The following TYW1B variants were observed in gnomAD, a reference collection of about 807,000 sequenced individuals.
TYW1B encodes the protein tRNA-yW synthesizing protein 1 homolog B.
A neutral mutation model predicts 86.9 loss-of-function variants in TYW1B; 73 were observed. The observed-to-expected ratio is 0.84, with a 90% confidence interval of 0.70 to 1.02. TYW1B has a LOEUF of 1.02. Among genes scored for constraint, TYW1B ranks in the 50% least tolerant of loss-of-function variants. The probability of loss-of-function intolerance (pLI) is 0.00; values close to 1 mark genes in which losing one functional copy is unlikely to be tolerated. For missense variants in TYW1B, 637 were observed against 827.4 expected (o/e 0.77, Z 2.82); for synonymous variants, 248 against 292.8 (o/e 0.85, Z 1.56).
At chr7:72,612,640 A>G (rs1811961427) in intron 13 of TYW1B, among the ~76,000 whole-genome samples, 2 of 152,226 alleles carry the variant, frequency 1.3e-5, no homozygotes, top group South Asian at 2.1e-4. Flanking sequence ...ACCAAGTGTG[A>G]GACTCTGAAA....
chr7:72,601,427 A>T (rs1217945607), intron 13 of TYW1B, among the ~76,000 whole-genome samples: 1 of 152,124 alleles, frequency 6.6e-6, no homozygotes, highest in Non-Finnish European at 1.5e-5. Context: ...CAATGGTGGG[A>T]ATGCAAAATG....
At chr7:72,814,420 T>A (rs1336433289) in intron 3 of TYW1B, among the ~76,000 whole-genome samples, 1 of 151,642 alleles carries the variant, frequency 6.6e-6, no homozygotes, top group Non-Finnish European at 1.5e-5. Flanking sequence ...CCATCTCTAC[T>A]AAAACTACAA....
chr7:72,601,319 A>G (rs1811659783), intron 13 of TYW1B, among the ~76,000 whole-genome samples: 1 of 151,372 alleles, frequency 6.6e-6, no homozygotes, highest in South Asian at 2.1e-4. Flanking sequence ...GCCACTACAA[A>G]TCTATTAGAA....
intron 9 of TYW1B, among the ~76,000 whole-genome samples, chr7:72,722,337 T>C (rs552855763): frequency 1.3e-3 from 191 of 152,262 alleles, no homozygotes; most frequent in South Asian, 1.7e-3. Context: ...GCTTTAGTAC[T>C]GAGGACGTTC....
At chr7:72,586,320 A>G (rs1216800514) in intron 13 of TYW1B, among the ~76,000 whole-genome samples, 3 of 152,230 alleles carry the variant, frequency 2.0e-5, no homozygotes, top group Non-Finnish European at 4.4e-5. Flanking sequence ...ACTGCAGCTC[A>G]GTCACCTAGA....
At chr7:72,586,907 C>T (rs1347484581) in intron 13 of TYW1B, among the ~76,000 whole-genome samples, 1 of 151,848 alleles carries the variant, frequency 6.6e-6, no homozygotes, top group African/African-American at 2.4e-5. Flanking sequence ...TCTATCTGCA[C>T]AATCAGCATT....
chr7:72,739,139 T>C (rs1787254592), intron 8 of TYW1B, among the ~76,000 whole-genome samples: 1 of 152,138 alleles, frequency 6.6e-6, no homozygotes, highest in Non-Finnish European at 1.5e-5. Context: ...ACATTTTACA[T>C]GATCTGTCAA....
intron 11 of TYW1B, among the ~76,000 whole-genome samples, chr7:72,673,137 A>C (rs1350159760): frequency 1.3e-5 from 2 of 152,236 alleles, no homozygotes; most frequent in Non-Finnish European, 2.9e-5. Flanking sequence ...ACTGCACTCC[A>C]GCCTGGGCGA....
At chr7:72,678,427 G>C (rs1813786335) in intron 11 of TYW1B, among the ~76,000 whole-genome samples, 2 of 152,280 alleles carry the variant, frequency 1.3e-5, no homozygotes, top group South Asian at 4.1e-4. Context: ...TGAATTCTAA[G>C]AGTCTAGACA....
At chr7:72,672,936 A>T (rs1426555839) in intron 11 of TYW1B, among the ~76,000 whole-genome samples, 12 of 152,232 alleles carry the variant, frequency 7.9e-5, no homozygotes, top group African/African-American at 2.4e-4. Flanking sequence ...TGGGAGGCCA[A>T]GGCGGGTGGA....
At chr7:72,590,853 C>A (rs565802156) in intron 13 of TYW1B, among the ~76,000 whole-genome samples, 1 of 152,080 alleles carries the variant, frequency 6.6e-6, no homozygotes, top group East Asian at 1.9e-4. Context: ...AGAAACTGAC[C>A]CTGAGAAAGG....
intron 4 of TYW1B, among the ~76,000 whole-genome samples, chr7:72,809,563 G>T (rs1475446377): frequency 6.6e-6 from 1 of 152,042 alleles, no homozygotes; most frequent in African/African-American, 2.4e-5. Context: ...TGACTTGGGA[G>T]GATCCCTTCA....
At chr7:72,759,805 C>A (rs1787657197) in intron 7 of TYW1B, among the ~76,000 whole-genome samples, 1 of 152,160 alleles carries the variant, frequency 6.6e-6, no homozygotes, top group African/African-American at 2.4e-5. Context: ...TCCATGGTAA[C>A]CAACAACTTT....
At chr7:72,618,250 T>TG (rs1812128237) in intron 12 of TYW1B, among the ~76,000 whole-genome samples, 3 of 149,274 alleles carry the variant, frequency 2.0e-5, no homozygotes, top group African/African-American at 4.9e-5. Context: ...TTTTTTTTTT[T>TG]TTGTTGCCCA....
chr7:72,595,710 A>G (rs555329303), intron 13 of TYW1B, among the ~76,000 whole-genome samples: 33 of 152,214 alleles, frequency 2.2e-4, no homozygotes, highest in Middle Eastern at 6.8e-3. Flanking sequence ...ATATAAATAA[A>G]ACAAAATTAA....
At chr7:72,740,276 T>G (rs1787279559) in intron 8 of TYW1B, among the ~76,000 whole-genome samples, 1 of 151,840 alleles carries the variant, frequency 6.6e-6, no homozygotes, top group Admixed American at 6.6e-5. Flanking sequence ...AGCACACACC[T>G]GTAATCCTAG....
At chr7:72,576,069 T>C (rs1294286009) in intron 13 of TYW1B, among the ~76,000 whole-genome samples, 1 of 152,124 alleles carries the variant, frequency 6.6e-6, no homozygotes, top group Non-Finnish European at 1.5e-5. Context: ...TTGCCGCTTT[T>C]GATCGGTTAC....
At chr7:72,705,754 T>C (rs1458224669) in intron 10 of TYW1B, among the ~76,000 whole-genome samples, 45 of 152,260 alleles carry the variant, frequency 3.0e-4, no homozygotes, top group Non-Finnish European at 6.0e-4. Context: ...GTCCACAAGA[T>C]AAGAACAAAC....
At chr7:72,698,384 C>T (rs1374694039) in intron 10 of TYW1B, among the ~76,000 whole-genome samples, 1 of 152,130 alleles carries the variant, frequency 6.6e-6, no homozygotes, top group African/African-American at 2.4e-5. Flanking sequence ...GTGGCTCATG[C>T]CTGTAATCCC....
Sources: gnomAD v4.1 joint callset for allele counts (sites outside exome capture counted in the v4.1 genomes callset) on GRCh38, gnomAD v4.1.1 for gene constraint, MANE v1.5 for transcripts, NCBI Gene and HGNC (gene_info 2026-07-23, HGNC 2026-07-21) for gene names.